Variants in PSG3 observed in about 807,000 individuals in gnomAD.
PSG3 encodes pregnancy specific beta-1-glycoprotein 3, also known as pregnancy-specific beta-1-glycoprotein 3.
PSG3 carries 61 observed loss-of-function variants against 47.5 expected under a neutral mutation model. The ratio of observed to expected loss-of-function variants is 1.28; its 90% CI spans 1.05 to 1.59. The LOEUF is 1.59. Ranked by LOEUF, PSG3 falls within the 40% of genes most tolerant of loss-of-function variation. The probability of loss-of-function intolerance (pLI) is 0.00; values close to 1 mark genes in which losing one functional copy is unlikely to be tolerated. For missense variants in PSG3, 756 were observed against 524.0 expected (o/e 1.44, Z -4.32); for synonymous variants, 263 against 198.4 (o/e 1.33, Z -2.74).
In PSG3 at chr19:42,729,971, C is replaced by G. The variant is rs745853678; in HGVS notation, c.795G>C (p.Lys265Asn). 2 of 1,612,060 alleles carry G rather than the reference C, an allele frequency of 1.2e-6. No homozygotes were observed. Among genetic ancestry groups the G allele is most frequent in the Non-Finnish European group, 1.7e-6 (2 of 1,179,826 alleles). Residue 265 changes from lysine (K) to asparagine (N), a missense_variant, in exon 4 of 7, where the codon AAG becomes AAC. Coordinates refer to ENST00000327495, the MANE Select transcript of PSG3 (RefSeq NM_021016.4). The stretch of plus-strand genomic sequence containing the variant: ...ACCAAATGTAGGTGTAGTTCTCACT[C>G]TTAGGTTCACAGGTGAAGGCTAAGA... ...KDVLAFTCEP[K>N]SENYTYIWWL...
At chr19:42,737,311 A>T (rs1969581488) in intron 2 of PSG3, among the ~76,000 whole-genome samples, 1 of 152,088 alleles carries the variant, frequency 6.6e-6, no homozygotes, top group African/African-American at 2.4e-5. Context: ...TCAGTCTCTA[A>T]AGAGGTTTTG....
intron 6 of PSG3, among the ~76,000 whole-genome samples, chr19:42,723,122 A>T (rs978024842): frequency 2.0e-4 from 30 of 152,166 alleles, no homozygotes; most frequent in African/African-American, 4.8e-4. Flanking sequence ...CCTTGCCTTC[A>T]TCATTTCTGT....
At chr19:42,735,881 T>C (rs1375990272) in intron 2 of PSG3, among the ~76,000 whole-genome samples, 2 of 152,162 alleles carry the variant, frequency 1.3e-5, no homozygotes, top group African/African-American at 4.8e-5. Flanking sequence ...TGCAGGCCTG[T>C]CCAGCCTCTG....
At chr19:42,726,639 T>C (rs546545160) in intron 5 of PSG3, among the ~76,000 whole-genome samples, 4 of 152,306 alleles carry the variant, frequency 2.6e-5, no homozygotes, top group South Asian at 2.1e-4. Flanking sequence ...AAATGAAAGA[T>C]GACATCAATA....
At chr19:42,736,279 A>T (rs1814475468) in intron 2 of PSG3, among the ~76,000 whole-genome samples, 1 of 152,204 alleles carries the variant, frequency 6.6e-6, no homozygotes, top group Non-Finnish European at 1.5e-5. Context: ...GTAGAACGTG[A>T]GATTGGTCTT....
chr19:42,724,616 T>A (rs537632538), intron 5 of PSG3, among the ~76,000 whole-genome samples: 1 of 152,278 alleles, frequency 6.6e-6, no homozygotes, highest in East Asian at 1.9e-4. Flanking sequence ...CTAAAACTTC[T>A]TTCTCTTTCT....
At chr19:42,723,441 A>G (rs1266976815) in intron 6 of PSG3, among the ~76,000 whole-genome samples, 2 of 152,236 alleles carry the variant, frequency 1.3e-5, no homozygotes, top group Non-Finnish European at 2.9e-5. Flanking sequence ...GGAAGTGAGA[A>G]GGCTTAGTAA....
rs1231579916 is a variant in PSG3, at chr19:42,721,820, C to G, written c.*311G>C. On this transcript the variant is annotated 3_prime_UTR_variant, in exon 7 of 7. Transcript: ENST00000327495. ...CTGGAGAATAAAACATTCAAAGAAT[C>G]AGCACATTTTCAAATAGAAAATTAT... 3 of 410,794 alleles carry G rather than the reference C, an allele frequency of 7.3e-6. No homozygotes were observed. The highest frequency in any genetic ancestry group is 8.8e-5 in the Admixed American group (2 of 22,692). 25.4% of individuals were successfully genotyped at this position (410,794 alleles called of 1,614,324 possible). A position where few individuals can be genotyped will look rare whatever the true frequency, so the allele number is the denominator to read the frequency against.
At chr19:42,737,870 T>G (rs185238958) in intron 2 of PSG3, among the ~76,000 whole-genome samples, 128 of 152,368 alleles carry the variant, frequency 8.4e-4, no homozygotes, top group African/African-American at 2.9e-3. Flanking sequence ...TCATGCTATC[T>G]GTGAATAAAT....
At chr19:42,737,282 T>C (rs1969580699) in intron 2 of PSG3, among the ~76,000 whole-genome samples, 1 of 152,140 alleles carries the variant, frequency 6.6e-6, no homozygotes, top group Non-Finnish European at 1.5e-5. Flanking sequence ...TAGAACCTCC[T>C]AGGATTCTGC....
intron 5 of PSG3, among the ~76,000 whole-genome samples, chr19:42,728,288 C>T (rs1376350409): frequency 6.6e-6 from 1 of 152,174 alleles, no homozygotes; most frequent in Non-Finnish European, 1.5e-5. Context: ...TAGTCTTACC[C>T]TCTCTATAAT....
At chr19:42,724,555 T>C (rs73932791) in intron 5 of PSG3, among the ~76,000 whole-genome samples, 2,342 of 152,286 alleles carry the variant, frequency 0.015, 62 homozygotes, top group African/African-American at 0.053. Context: ...GGGTGACTGG[T>C]TGGAGGATTC....
In PSG3 at chr19:42,740,405, TCTC is replaced by T. The variant is rs1969653748; in HGVS notation, c.-24_-22del. 1.9e-6 allele frequency: 3 copies of T among 1,614,002 alleles called. No individual in the cohort carries two copies. The highest frequency in any genetic ancestry group is 1.3e-5 in the African/African-American group (1 of 75,046). ...CCCATGGTCTCTGCTGCCTGCGTGTTCTCCTCTGTGGAGCTGAGCCTAGGATCC... is the reference window on the plus strand; with the variant it reads ...CCCATGGTCTCTGCTGCCTGCGTGTTCTCTGTGGAGCTGAGCCTAGGATCC... On this transcript the variant is annotated 5_prime_UTR_variant, in exon 1 of 7. Transcript: ENST00000327495.
intron 6 of PSG3, among the ~76,000 whole-genome samples, chr19:42,722,642 T>C (rs1969317138): frequency 6.6e-6 from 1 of 152,218 alleles, no homozygotes; most frequent in Non-Finnish European, 1.5e-5. Context: ...GCTTTCTATA[T>C]AATTTAACTT....
chr19:42,729,022 G>C, intron 5 of PSG3, 101 bp downstream of exon 5: 1 of 1,599,244 alleles, frequency 6.3e-7, no homozygotes, highest in Non-Finnish European at 8.5e-7. Flanking sequence ...TTGTGCCCAT[G>C]GGACACAGGC....
chr19:42,723,786 G>A (rs1199462073), intron 6 of PSG3, among the ~76,000 whole-genome samples, 156 bp downstream of exon 6: 1 of 150,896 alleles, frequency 6.6e-6, no homozygotes, highest in Non-Finnish European at 1.5e-5. Flanking sequence ...ATAAAGGCCA[G>A]GGAGAAAGGG....
intron 3 of PSG3, among the ~76,000 whole-genome samples, chr19:42,731,096 G>A (rs1420758564): frequency 6.6e-6 from 1 of 152,216 alleles, no homozygotes; most frequent in Non-Finnish European, 1.5e-5. Context: ...TGGTTGCCAG[G>A]AGCTGGGAGT....
intron 3 of PSG3, chr19:42,732,506 T>A (rs563627558): frequency 4.0e-4 from 291 of 733,386 alleles, no homozygotes; most frequent in African/African-American, 2.6e-3. Flanking sequence ...GCCAAATCCC[T>A]GCTGTGTTCA....
At chr19:42,725,908 AAG>A (rs1969370629) in intron 5 of PSG3, among the ~76,000 whole-genome samples, 2 of 148,816 alleles carry the variant, frequency 1.3e-5, no homozygotes, top group African/African-American at 2.5e-5. Flanking sequence ...AAAAAAAAAA[AAG>A]AAAAAAGAAA....
Sources: gnomAD v4.1 joint callset for allele counts (sites outside exome capture counted in the v4.1 genomes callset) on GRCh38, gnomAD v4.1.1 for gene constraint, MANE v1.5 for transcripts, NCBI Gene and HGNC (gene_info 2026-07-23, HGNC 2026-07-21) for gene names.